The following MATCAP1 variants were observed in gnomAD, a reference collection of about 807,000 sequenced individuals.
MATCAP1 encodes the protein microtubule associated tyrosine carboxypeptidase 1.
the MATCAP1 span, chr16:67,179,311 C>A: frequency 6.6e-7 from 1 of 1,506,522 alleles, no homozygotes; most frequent in East Asian, 2.3e-5. The surrounding 1 kb of genome is among the most constrained non-coding windows in gnomAD (Gnocchi z 5.2). Context: ...AAAGCCCCGA[C>A]CTCAGGAGGG....
chr16:67,176,946 C>T, the MATCAP1 span: 1 of 1,589,794 alleles, frequency 6.3e-7, no homozygotes, highest in Non-Finnish European at 8.6e-7. This position sits in a 1 kb window ranked among gnomAD's most constrained non-coding sequence, Gnocchi z 4.3. Flanking sequence ...CCCCATGGGG[C>T]CGCAGGTGGT....
chr16:67,178,300 C>T, the MATCAP1 span: 26 of 1,582,198 alleles, frequency 1.6e-5, no homozygotes, highest in Non-Finnish European at 2.1e-5. Flanking sequence ...GAAGAGCTGA[C>T]GGAAGGACAT....
At chr16:67,176,811 T>C in the MATCAP1 span, 2 of 1,579,798 alleles carry the variant, frequency 1.3e-6, no homozygotes, top group Non-Finnish European at 1.7e-6. The surrounding 1 kb of genome is among the most constrained non-coding windows in gnomAD (Gnocchi z 4.3). Flanking sequence ...TCAACGGACA[T>C]CAGTCGGGTA....
At chr16:67,180,468 G>T in the MATCAP1 span, 2 of 1,605,876 alleles carry the variant, frequency 1.2e-6, no homozygotes, top group African/African-American at 1.3e-5. Flanking sequence ...CAGAGCCAGG[G>T]GCAAGGCCAG....
chr16:67,179,502 G>A, the MATCAP1 span: 20 of 1,613,006 alleles, frequency 1.2e-5, no homozygotes, highest in African/African-American at 4.0e-5. This position sits in a 1 kb window ranked among gnomAD's most constrained non-coding sequence, Gnocchi z 5.2. Context: ...AATGTGGGCC[G>A]GCTGTTCTCC....
the MATCAP1 span, chr16:67,178,271 C>G: frequency 1.9e-6 from 3 of 1,570,464 alleles, no homozygotes; most frequent in Non-Finnish European, 2.6e-6. Context: ...GCGTCCTGCA[C>G]GTAGCGCTCC....
chr16:67,178,120 G>A, the MATCAP1 span: 1 of 1,607,476 alleles, frequency 6.2e-7, no homozygotes, highest in East Asian at 2.2e-5. Flanking sequence ...GGGAGGGCAG[G>A]AGGGCGGTGA....
chr16:67,179,181 A>C, the MATCAP1 span: 9 of 1,307,930 alleles, frequency 6.9e-6, no homozygotes, highest in African/African-American at 1.5e-5. This position sits in a 1 kb window ranked among gnomAD's most constrained non-coding sequence, Gnocchi z 5.2. Context: ...TCGGAGAGGA[A>C]GTGGAGAGAG....
chr16:67,180,584 C>A, the MATCAP1 span: 1 of 1,521,724 alleles, frequency 6.6e-7, no homozygotes, highest in Admixed American at 2.2e-5. Context: ...CCTGATCATA[C>A]GCCTGAGCCC....
the MATCAP1 span, among the ~76,000 whole-genome samples, chr16:67,181,133 G>C: frequency 6.6e-6 from 1 of 152,228 alleles, no homozygotes; most frequent in African/African-American, 2.4e-5. Context: ...TCTAATCTCT[G>C]TGCTCACTCA....
At chr16:67,181,540 A>G in the MATCAP1 span, 1 of 151,058 alleles carries the variant, frequency 6.6e-6, no homozygotes. Context: ...TCCAATCCCA[A>G]CCCTCCCCAG....
chr16:67,177,925 C>G, the MATCAP1 span: 1 of 1,212,926 alleles, frequency 8.2e-7, no homozygotes, highest in South Asian at 1.3e-5. Flanking sequence ...ACCCAGCCCT[C>G]GGTCTAGCAC....
At chr16:67,182,249 CA>C in the MATCAP1 span, among the ~76,000 whole-genome samples, 1,029 of 46,368 alleles carry the variant, frequency 0.022, 7 homozygotes, top group African/African-American at 0.055. Flanking sequence ...AACTCCATCT[CA>C]AAAAAAAAAA....
chr16:67,183,691 A>T, the MATCAP1 span: 1 of 153,900 alleles, frequency 6.5e-6, no homozygotes, highest in Admixed American at 6.5e-5. Flanking sequence ...GGGGAACCAG[A>T]AATAGAGGAG....
the MATCAP1 span, chr16:67,183,740 T>C: frequency 6.3e-6 from 1 of 158,096 alleles, no homozygotes; most frequent in Non-Finnish European, 1.4e-5. Context: ...GGGGATAAGG[T>C]GAAGGGCGTG....
the MATCAP1 span, among the ~76,000 whole-genome samples, chr16:67,177,754 C>T: frequency 2.6e-5 from 4 of 152,230 alleles, no homozygotes; most frequent in Non-Finnish European, 5.9e-5. Context: ...CTTCCCCTGG[C>T]CTTCCTGATC....
the MATCAP1 span, chr16:67,175,869 G>A: frequency 6.6e-6 from 1 of 152,230 alleles, no homozygotes; most frequent in Non-Finnish European, 1.5e-5. Flanking sequence ...AGGGGTTCAG[G>A]ACTTGGGCCA....
chr16:67,180,120 G>A, the MATCAP1 span: 2 of 1,614,232 alleles, frequency 1.2e-6, no homozygotes, highest in Non-Finnish European at 1.7e-6. Context: ...CTCAAACTGT[G>A]GATTGTAGGT....
At chr16:67,178,873 T>C in the MATCAP1 span, 2 of 499,524 alleles carry the variant, frequency 4.0e-6, no homozygotes, top group Admixed American at 5.3e-5. Context: ...GCCCATATCA[T>C]CTTGAACAGT....
Sources: gnomAD v4.1 joint callset for allele counts (sites outside exome capture counted in the v4.1 genomes callset) on GRCh38, gnomAD v4.1.1 for gene constraint, Gnocchi (gnomAD v3.1) non-coding constraint, MANE v1.5 for transcripts, NCBI Gene and HGNC (gene_info 2026-07-23, HGNC 2026-07-21) for gene names.